The following MARK3 variants were observed in gnomAD, a reference collection of about 807,000 sequenced individuals.
The protein encoded by MARK3 is microtubule affinity regulating kinase 3.
MARK3 carries 46 observed loss-of-function variants against 90.1 expected under a neutral mutation model. The observed-to-expected ratio is 0.51, with a 90% CI of 0.40 to 0.65. The LOEUF (loss-of-function observed/expected upper bound fraction) is 0.65. MARK3 is among the 30% of genes least tolerant of loss of function. The pLI, the probability that MARK3 is intolerant of heterozygous loss-of-function variation, is 0.00. For synonymous variants in MARK3, 321 were observed against 332.6 expected (o/e 0.97, Z 0.38); for missense variants, 818 against 947.2 (o/e 0.86, Z 1.79).
intron 14 of MARK3, among the ~76,000 whole-genome samples, chr14:103,488,317 T>C (rs2093964407): frequency 6.6e-6 from 1 of 152,084 alleles, no homozygotes. Flanking sequence ...CAGACATAAC[T>C]TCTTCCCACA....
chr14:103,468,591 G>T (rs147900310), intron 12 of MARK3, among the ~76,000 whole-genome samples: 1 of 151,812 alleles, frequency 6.6e-6, no homozygotes, highest in Non-Finnish European at 1.5e-5. Flanking sequence ...CTCCCAGAGC[G>T]CTGGAATTAC....
chr14:103,496,222 A>G (rs10141433), intron 15 of MARK3, among the ~76,000 whole-genome samples: 50,873 of 152,050 alleles, frequency 0.33, 8,869 homozygotes, highest in Middle Eastern at 0.46. Flanking sequence ...AAGGGATTAT[A>G]GGAGGAAAAG....
At chr14:103,444,593 A>G (rs1333435037) in intron 3 of MARK3, among the ~76,000 whole-genome samples, 1 of 152,184 alleles carries the variant, frequency 6.6e-6, no homozygotes, top group Non-Finnish European at 1.5e-5. Flanking sequence ...CCTGGCTAAC[A>G]TGGTGAAACC....
chr14:103,389,528 C>CAAAA lies in MARK3; in HGVS notation c.51+3465_51+3468dup, dbSNP rs67737305. 9.8e-4 allele frequency among the ~76,000 whole-genome samples: 49 copies of CAAAA among 49,844 alleles called. 3 individuals carry two copies. Among genetic ancestry groups the CAAAA allele is most frequent in the Middle Eastern group, 0.022 (1 of 46 alleles). 32.7% of individuals were successfully genotyped at this position (49,844 alleles called of 152,430 possible). ...GAGTGACAGAGTAAGACTCTGTCTC[C>CAAAA]AAAAAAAAAAAAAAAAAAAAGCAGA... On this transcript the variant is annotated intron_variant, in intron 1 of 17. Coordinates refer to ENST00000429436, the MANE Select transcript of MARK3 (RefSeq NM_001128918.3).
At chr14:103,489,439 G>A (rs1359836196) in intron 14 of MARK3, 2 of 152,262 alleles carry the variant, frequency 1.3e-5, no homozygotes, top group Non-Finnish European at 2.9e-5. Context: ...GTAGAAGTAT[G>A]AGCAGATGAG....
At chr14:103,407,464 G>T (rs750742568) in intron 2 of MARK3, among the ~76,000 whole-genome samples, 9 of 148,518 alleles carry the variant, frequency 6.1e-5, no homozygotes, top group Non-Finnish European at 1.0e-4. Flanking sequence ...GCTCAGCCCC[G>T]TTCCTATTAA....
intron 14 of MARK3, among the ~76,000 whole-genome samples, chr14:103,482,569 A>G (rs984134286): frequency 3.9e-5 from 6 of 152,018 alleles, no homozygotes; most frequent in Admixed American, 3.9e-4. Flanking sequence ...AATTCTGAAA[A>G]TGCACTACCC....
At chr14:103,502,222 C>T (rs886207398) in intron 17 of MARK3, among the ~76,000 whole-genome samples, 1 of 152,256 alleles carries the variant, frequency 6.6e-6, no homozygotes, top group Non-Finnish European at 1.5e-5. Context: ...GTCAGTCCCC[C>T]ACAGACAGAG....
chr14:103,483,248 A>ATGT (rs71126031), intron 14 of MARK3, among the ~76,000 whole-genome samples: 43,509 of 151,966 alleles, frequency 0.29, 7,265 homozygotes, highest in Non-Finnish European at 0.36. Context: ...GCCTGGACCT[A>ATGT]TGTTAACTTC....
At chr14:103,485,951 A>G (rs923309484) in intron 14 of MARK3, among the ~76,000 whole-genome samples, 4 of 152,192 alleles carry the variant, frequency 2.6e-5, no homozygotes, top group Non-Finnish European at 4.4e-5. Context: ...AACTCTCTTC[A>G]TGCAACTTGA....
chr14:103,460,209 C>G (rs1211300468), intron 6 of MARK3, among the ~76,000 whole-genome samples: 1 of 150,488 alleles, frequency 6.6e-6, no homozygotes, highest in Admixed American at 6.7e-5. Flanking sequence ...CCTCAGCCTC[C>G]CAAGTAGCTG....
chr14:103,468,837 C>T (rs1343301926), intron 12 of MARK3, among the ~76,000 whole-genome samples: 1 of 150,304 alleles, frequency 6.7e-6, no homozygotes, highest in African/African-American at 2.5e-5. Flanking sequence ...CTATGTTGCC[C>T]AAGCTGGTCT....
chr14:103,502,978 T>C lies in MARK3; in HGVS notation c.2013T>C (p.Asp671=), dbSNP rs749855125. Reference sequence around the variant, plus strand: ...GCATGAAAACCACTAGTTCAATGGATCCCGGGGACATGATGCGGGAAATCC... The same window carrying C: ...GCATGAAAACCACTAGTTCAATGGACCCCGGGGACATGATGCGGGAAATCC... ...TWSMKTTSSM[D]PGDMMREIRK... Residue 671 remains aspartate (D), a synonymous_variant, in exon 18 of 18, where the codon GAT becomes GAC. Coordinates refer to ENST00000429436, the MANE Select transcript of MARK3 (RefSeq NM_001128918.3). The C allele has an allele frequency of 2.5e-6, 4 of 1,614,222 alleles. No homozygotes were observed. In the Admixed American group the frequency reaches 5.0e-5, roughly 20 times the overall value.
chr14:103,403,326 TTG>T (rs59913493), intron 1 of MARK3, among the ~76,000 whole-genome samples: 7,755 of 138,368 alleles, frequency 0.056, 234 homozygotes, highest in Middle Eastern at 0.079. Context: ...TAGTGCCTGG[TTG>T]TGTGTGTGTG....
chr14:103,439,149 T>C (rs1321681513), intron 3 of MARK3, among the ~76,000 whole-genome samples: 1 of 152,328 alleles, frequency 6.6e-6, no homozygotes, highest in South Asian at 2.1e-4. Context: ...GTTCCATGTT[T>C]AGCATATAAA....
chr14:103,429,593 A>C (rs1052892387), intron 3 of MARK3, among the ~76,000 whole-genome samples: 1 of 152,194 alleles, frequency 6.6e-6, no homozygotes, highest in Non-Finnish European at 1.5e-5. Flanking sequence ...TATTTCAACA[A>C]GTGGTTCTTT....
intron 15 of MARK3, among the ~76,000 whole-genome samples, chr14:103,496,528 T>A (rs1267705057): frequency 6.6e-6 from 1 of 152,076 alleles, no homozygotes; most frequent in Non-Finnish European, 1.5e-5. Context: ...TTATCCTGCC[T>A]CAGCCTCCCC....
rs1432874984 is a variant in MARK3 at position 103,403,357 on chromosome 14, TG to T, written c.52-1718del. Among the ~76,000 whole-genome samples the T allele has an allele frequency of 2.0e-5, 3 of 150,626 alleles. No homozygotes were observed. The East Asian group carries it at 5.8e-4, about 29-fold the overall frequency. On this transcript the variant is annotated intron_variant, in intron 1 of 17. Coordinates refer to ENST00000429436, the MANE Select transcript of MARK3 (RefSeq NM_001128918.3). The stretch of plus-strand genomic sequence containing the variant: ...GTGTGTGTGTGTGTGTGTGTGTGTG[TG>T]TGTGTGTGTGTGTGTAACTCAGTAA...
intron 14 of MARK3, among the ~76,000 whole-genome samples, chr14:103,484,279 G>A (rs2093882460): frequency 6.6e-6 from 1 of 151,324 alleles, no homozygotes; most frequent in Admixed American, 6.6e-5. Context: ...CCGGGTTCAT[G>A]CAGTTCTTCT....
Sources: allele counts gnomAD v4.1 joint callset (sites outside exome capture counted in the v4.1 genomes callset), GRCh38; gene constraint gnomAD v4.1.1; transcripts MANE v1.5; gene names NCBI Gene and HGNC (gene_info 2026-07-23, HGNC 2026-07-21).